ADAMTS18: variants seen among roughly 807,000 people sequenced by gnomAD.
The protein encoded by ADAMTS18 is A disintegrin and metalloproteinase with thrombospondin motifs 18.
In ADAMTS18, 157 loss-of-function variants were observed where a neutral mutation model predicts 165.9. The ratio of observed to expected loss-of-function variants is 0.95; its 90% CI spans 0.83 to 1.08. The LOEUF is 1.08. Ranked by LOEUF, ADAMTS18 falls within the 50% of genes least tolerant of loss-of-function variation. The probability of loss-of-function intolerance (pLI) is 0.00; values close to 1 mark genes in which losing one functional copy is unlikely to be tolerated. For synonymous variants in ADAMTS18, 782 were observed against 578.2 expected (o/e 1.35, Z -5.06); for missense variants, 2,040 against 1,534.0 (o/e 1.33, Z -5.51).
rs34369567 is a variant in ADAMTS18, at chr16:77,284,123, C to CTT, written c.3551-54_3551-53dup. 5,429 of 947,346 alleles carry CTT rather than the reference C, an allele frequency of 5.7e-3. 1 individual carries two copies. The highest frequency in any genetic ancestry group is 8.9e-3 in the East Asian group (313 of 35,282). 58.7% of individuals were successfully genotyped at this position (947,346 alleles called of 1,614,324 possible). A position where few individuals can be genotyped will look rare whatever the true frequency, so the allele number is the denominator to read the frequency against. On this transcript the variant is annotated intron_variant, in intron 22 of 22. Transcript: ENST00000282849. ...GTTGGCTAGGGTGTCTATCCTTTTT[C>CTT]TTTTTTTTTTTTTTTGAGATGGAGT... is the stretch of plus-strand genomic sequence containing the variant.
At chr16:77,360,350 G>A (rs1357915048) in intron 7 of ADAMTS18, among the ~76,000 whole-genome samples, 2 of 152,170 alleles carry the variant, frequency 1.3e-5, no homozygotes, top group Non-Finnish European at 1.5e-5. Flanking sequence ...GCTCAGAGAG[G>A]TGAATTAACT....
rs1205295038 is a variant in ADAMTS18, at chr16:77,314,785, TAA to T, written c.2532+5062_2532+5063del. Among the ~76,000 whole-genome samples, 99 of 87,096 alleles carry T rather than the reference TAA, an allele frequency of 1.1e-3. 14 individuals are homozygous for T. Among genetic ancestry groups the T allele is most frequent in the African/African-American group, 1.6e-3 (33 of 20,968 alleles). 57.1% of individuals were successfully genotyped at this position (87,096 alleles called of 152,430 possible). The stretch of plus-strand genomic sequence containing the variant: ...ATATATATATATATATATATATATA[TAA>T]AATATATGTGATATGCTCAGAAGGC... On this transcript the variant is annotated intron_variant, in intron 16 of 22. Coordinates refer to ENST00000282849, the MANE Select transcript of ADAMTS18 (RefSeq NM_199355.4).
intron 3 of ADAMTS18, among the ~76,000 whole-genome samples, chr16:77,386,113 T>C (rs1346705046): frequency 6.6e-6 from 1 of 152,208 alleles, no homozygotes; most frequent in African/African-American, 2.4e-5. Context: ...TTGGGATGTA[T>C]GTAACTTGCC....
intron 21 of ADAMTS18, among the ~76,000 whole-genome samples, chr16:77,290,060 A>G (rs915216518): frequency 6.6e-6 from 1 of 152,112 alleles, no homozygotes; most frequent in African/African-American, 2.4e-5. Flanking sequence ...GATTTTTCTT[A>G]TTTTAAAAAG....
chr16:77,390,464 G>C (rs1366011375), intron 3 of ADAMTS18, among the ~76,000 whole-genome samples: 1 of 151,980 alleles, frequency 6.6e-6, no homozygotes, highest in African/African-American at 2.4e-5. Flanking sequence ...GGCCGAGGCG[G>C]GCAGATCACA....
chr16:77,404,622 G>C (rs184206364), intron 3 of ADAMTS18, among the ~76,000 whole-genome samples: 130 of 152,252 alleles, frequency 8.5e-4, no homozygotes, highest in African/African-American at 3.0e-3. Flanking sequence ...GGACTGTTTT[G>C]TCTGTTCTGT....
intron 12 of ADAMTS18, among the ~76,000 whole-genome samples, chr16:77,330,666 G>A (rs1407556403): frequency 6.6e-6 from 1 of 152,176 alleles, no homozygotes; most frequent in Admixed American, 6.5e-5. Context: ...ACTTACATGG[G>A]ACAAAGGATG....
chr16:77,293,806 C>G (rs978135160), intron 19 of ADAMTS18, among the ~76,000 whole-genome samples: 36 of 149,726 alleles, frequency 2.4e-4, no homozygotes, highest in African/African-American at 8.9e-4. Context: ...GGTTCAAACT[C>G]CTCTGAGAAC....
chr16:77,417,344 AAAAG>A (rs1484150218), intron 3 of ADAMTS18, among the ~76,000 whole-genome samples: 5 of 152,128 alleles, frequency 3.3e-5, no homozygotes, highest in African/African-American at 4.8e-5. Context: ...AGGGAAAAGA[AAAAG>A]AAATGTCAAG....
At position 77,326,057 on chromosome 16, in the gene ADAMTS18, A is replaced by T; in HGVS notation, c.1860-19T>A. On this transcript the variant is annotated intron_variant, in intron 12 of 22. Transcript: ENST00000282849. ...CTGAGGCCTGAAAATGAAATTAATG[A>T]ACTTTAATGTTAGTAATCAAAGGGC... The T allele has an allele frequency of 2.5e-6, 4 of 1,610,916 alleles. No individual in the cohort carries two copies. Among genetic ancestry groups the T allele is most frequent in the Non-Finnish European group, 3.4e-6 (4 of 1,177,330 alleles).
In ADAMTS18 at chr16:77,294,862, C is replaced by A; in HGVS notation, c.3006+61G>T. The A allele has an allele frequency of 4.6e-6, 7 of 1,519,554 alleles. No homozygotes were observed. The South Asian group carries it at 6.8e-5, about 15-fold the overall frequency. The allele number at this position is 1,519,554 out of a possible 1,614,324, so 94.1% of individuals were successfully genotyped here. A position where few individuals can be genotyped will look rare whatever the true frequency, so the allele number is the denominator to read the frequency against. ...CCAAGAGCCCAGTGGAGAGCAAAGA[C>A]ACCTCTACTTTTGCCTTCATGGGGA... On this transcript the variant is annotated intron_variant, in intron 19 of 22. Coordinates refer to ENST00000282849, the MANE Select transcript of ADAMTS18 (RefSeq NM_199355.4).
chr16:77,396,621 G>A (rs879617569), intron 3 of ADAMTS18, among the ~76,000 whole-genome samples: 2 of 152,156 alleles, frequency 1.3e-5, no homozygotes, highest in Non-Finnish European at 2.9e-5. Context: ...CCTGCAGAGA[G>A]GAAGTTCAAA....
intron 3 of ADAMTS18, among the ~76,000 whole-genome samples, chr16:77,385,392 G>C (rs3943860): frequency 0.28 from 42,974 of 152,098 alleles, 6,677 homozygotes; most frequent in East Asian, 0.55. Context: ...TAGTTGACTT[G>C]TATTCTGTAA....
intron 3 of ADAMTS18, among the ~76,000 whole-genome samples, chr16:77,396,039 T>C (rs1197836098): frequency 6.6e-6 from 1 of 152,180 alleles, no homozygotes; most frequent in African/African-American, 2.4e-5. Flanking sequence ...TAATATTTTG[T>C]AGATGACAAA....
In ADAMTS18 at chr16:77,363,810, G is replaced by A. The variant is rs935159456; in HGVS notation, c.1048C>T (p.Gln350Ter). 1 of 1,613,826 alleles carries A rather than the reference G, an allele frequency of 6.2e-7. No individual in the cohort carries two copies. Among genetic ancestry groups the A allele is most frequent in the Admixed American group, 1.7e-5 (1 of 60,008 alleles). The change falls in exon 6 of 23, where the codon CAA becomes TAA. Residue 350 changes from glutamine to a stop codon, truncating the protein, a stop_gained. Coordinates refer to ENST00000282849, the MANE Select transcript of ADAMTS18 (RefSeq NM_199355.4). LOFTEE classifies it high-confidence loss of function. ...VVVVSLILLE[Q>*]EPGGLLINHH... ...TGAAGTTTGCCACTTACAGGTTCTT[G>A]TTCCAGAAGAATTAGGCTCACCACA...
At chr16:77,304,611 G>T (rs1046116689) in intron 16 of ADAMTS18, among the ~76,000 whole-genome samples, 1 of 152,128 alleles carries the variant, frequency 6.6e-6, no homozygotes, top group Non-Finnish European at 1.5e-5. Context: ...TGAACTAAAG[G>T]TAAGACCAGC....
At chr16:77,299,740 G>A (rs1302146509) in intron 17 of ADAMTS18, among the ~76,000 whole-genome samples, 2 of 152,146 alleles carry the variant, frequency 1.3e-5, no homozygotes, top group Non-Finnish European at 2.9e-5. Flanking sequence ...TTCCTTCCTT[G>A]CAAGGGTTGT....
At chr16:77,385,322 G>A (rs1260059677) in intron 3 of ADAMTS18, among the ~76,000 whole-genome samples, 1 of 152,160 alleles carries the variant, frequency 6.6e-6, no homozygotes, top group South Asian at 2.1e-4. Context: ...TGGATAGTAA[G>A]GAATTTATAC....
At chr16:77,355,896 A>G (rs1207023973) in intron 9 of ADAMTS18, 44 bp downstream of exon 9, 1 of 1,613,084 alleles carries the variant, frequency 6.2e-7, no homozygotes, top group African/African-American at 1.3e-5. Context: ...CAATTCTGTC[A>G]TCACTCCAAA....
Sources: allele counts gnomAD v4.1 joint callset (sites outside exome capture counted in the v4.1 genomes callset), GRCh38; gene constraint gnomAD v4.1.1; transcripts MANE v1.5; gene names NCBI Gene and HGNC (gene_info 2026-07-23, HGNC 2026-07-21).